DPYD: variants seen among roughly 807,000 people sequenced by gnomAD.
DPYD encodes dihydropyrimidine dehydrogenase, also known as dihydropyrimidine dehydrogenase [NADP(+)].
Under a neutral mutation model 116.2 loss-of-function variants are expected in DPYD, and 109 were observed. The observed-to-expected ratio is 0.94, with a 90% CI of 0.80 to 1.10. The LOEUF (loss-of-function observed/expected upper bound fraction) is 1.10. Ranked by LOEUF, DPYD falls within the 50% of genes least tolerant of loss-of-function variation. DPYD has a pLI of 0.00. For synonymous variants in DPYD, 440 were observed against 432.0 expected, an observed-to-expected ratio of 1.02 and a Z score of -0.23; for missense variants, 1,302 against 1,254.5, an observed-to-expected ratio of 1.04 and a Z score of -0.57.
intron 8 of DPYD, among the ~76,000 whole-genome samples, chr1:97,618,061 T>C (rs954589828): frequency 3.9e-5 from 6 of 152,134 alleles, no homozygotes; most frequent in Admixed American, 3.3e-4. Context: ...ATAATTTTTA[T>C]ATGGTACAGT....
intron 19 of DPYD, among the ~76,000 whole-genome samples, chr1:97,201,596 G>A (rs1050209910): frequency 2.0e-5 from 3 of 152,228 alleles, no homozygotes; most frequent in African/African-American, 7.2e-5. Context: ...AGCCCCTGGA[G>A]ATACATAGTA....
intron 16 of DPYD, among the ~76,000 whole-genome samples, chr1:97,352,123 T>G (rs552149958): frequency 1.7e-3 from 253 of 152,240 alleles, no homozygotes; most frequent in Non-Finnish European, 2.6e-3. Flanking sequence ...AAAAAAGTCC[T>G]TCTCAAATAA....
intron 18 of DPYD, among the ~76,000 whole-genome samples, chr1:97,273,112 T>C (rs920396027): frequency 6.6e-6 from 1 of 152,162 alleles, no homozygotes; most frequent in Non-Finnish European, 1.5e-5. Context: ...AAATGCCAAA[T>C]AGTTATTTCA....
rs542436227 is a variant in DPYD, at chr1:97,191,051, CACACACACAT to C, written c.2622+2008_2622+2017del. On this transcript the variant is annotated intron_variant, in intron 20 of 22. Coordinates refer to ENST00000370192, the MANE Select transcript of DPYD (RefSeq NM_000110.4). ...ACAATGTGAGTTATATGCAAAGACA[CACACACACAT>C]ACACACACATACACACGTACATACA... 3.0e-3 allele frequency among the ~76,000 whole-genome samples: 463 copies of C among 152,018 alleles called. 1 individual carries two copies. The highest frequency in any genetic ancestry group is 5.2e-3 in the Non-Finnish European group (356 of 67,950).
chr1:97,305,376 C>G lies in DPYD; in HGVS notation c.2182G>C (p.Gly728Arg). 2 of 1,612,224 alleles carry G rather than the reference C, an allele frequency of 1.2e-6. No homozygotes were observed. The highest frequency in any genetic ancestry group is 1.7e-6 in the Non-Finnish European group (2 of 1,178,790). ...VSIARAAKEG[G>R]ANGVTATNTV... ...TTGGTGGCTGTAACGCCATTGGCAC[C>G]ACCTATGCAAGACACATCAACATTT... Residue 728 changes from glycine (G) to arginine (R), a missense_variant and splice_region_variant, in exon 18 of 23, where the codon GGT becomes CGT. Coordinates refer to ENST00000370192, the MANE Select transcript of DPYD (RefSeq NM_000110.4).
At chr1:97,399,679 G>C (rs1166850424) in intron 14 of DPYD, among the ~76,000 whole-genome samples, 1 of 151,958 alleles carries the variant, frequency 6.6e-6, no homozygotes. Flanking sequence ...TTGTAAGTTG[G>C]ATTCCTAGGT....
chr1:97,757,961 T>C (rs938988341), intron 3 of DPYD, among the ~76,000 whole-genome samples: 4 of 152,198 alleles, frequency 2.6e-5, no homozygotes, highest in African/African-American at 9.6e-5. Flanking sequence ...TCTGCACTAC[T>C]GAATTCTCAT....
At chr1:97,124,284 T>C (rs1162251739) in intron 20 of DPYD, among the ~76,000 whole-genome samples, 1 of 152,154 alleles carries the variant, frequency 6.6e-6, no homozygotes, top group Non-Finnish European at 1.5e-5. Flanking sequence ...AGACAGATTT[T>C]AGTCCCTAAT....
chr1:97,875,407 G>C (rs1671860174), intron 2 of DPYD, among the ~76,000 whole-genome samples: 1 of 151,964 alleles, frequency 6.6e-6, no homozygotes, highest in African/African-American at 2.4e-5. Context: ...ACTATGGAGT[G>C]AATGTAGCTA....
chr1:97,396,590 A>T (rs1460677698), intron 14 of DPYD, among the ~76,000 whole-genome samples: 1 of 152,052 alleles, frequency 6.6e-6, no homozygotes, highest in Non-Finnish European at 1.5e-5. Flanking sequence ...CAATGGGATG[A>T]TTCACAGCTT....
chr1:97,276,046 AG>A (rs1483288011), intron 18 of DPYD, among the ~76,000 whole-genome samples: 1 of 152,124 alleles, frequency 6.6e-6, no homozygotes, highest in African/African-American at 2.4e-5. Context: ...TATGGCATGA[AG>A]GTTCAATTTA....
At chr1:97,164,266 G>A (rs1033039497) in intron 20 of DPYD, among the ~76,000 whole-genome samples, 5 of 152,090 alleles carry the variant, frequency 3.3e-5, no homozygotes, top group African/African-American at 1.2e-4. Flanking sequence ...AGGTATTGAA[G>A]GAACACAGCT....
chr1:97,710,827 G>T (rs545911563), intron 5 of DPYD, among the ~76,000 whole-genome samples: 43 of 151,656 alleles, frequency 2.8e-4, no homozygotes, highest in Admixed American at 8.5e-4. Flanking sequence ...TCTGGAACAG[G>T]GTTAATTTTC....
At chr1:97,765,846 T>C (rs1286128013) in intron 3 of DPYD, among the ~76,000 whole-genome samples, 2 of 152,186 alleles carry the variant, frequency 1.3e-5, no homozygotes, top group African/African-American at 4.8e-5. Context: ...TGATAATTGA[T>C]GCAAAAGCTA....
At chr1:97,430,727 G>C (rs897069157) in intron 14 of DPYD, among the ~76,000 whole-genome samples, 3 of 152,306 alleles carry the variant, frequency 2.0e-5, no homozygotes, top group African/African-American at 7.2e-5. Flanking sequence ...TTAGTAAGCA[G>C]AGTCTTATAT....
In DPYD at chr1:97,921,008, G is replaced by A. The variant is rs569146754; in HGVS notation, c.-86C>T. ...GCCAGAGAGCCAAGTGACAGCAGCC[G>A]GAGCGCGAGTCGAAAACAGGCAGAC... On this transcript the variant is annotated 5_prime_UTR_variant, in exon 1 of 23. Coordinates refer to ENST00000370192, the MANE Select transcript of DPYD (RefSeq NM_000110.4). 1.5e-5 allele frequency: 23 copies of A among 1,520,552 alleles called. No individual in the cohort carries two copies. Among genetic ancestry groups the A allele is most frequent in the Middle Eastern group, 1.7e-4 (1 of 5,914 alleles). 94.2% of individuals were successfully genotyped at this position (1,520,552 alleles called of 1,614,324 possible). A position where few individuals can be genotyped will look rare whatever the true frequency, so the allele number is the denominator to read the frequency against.
chr1:97,206,716 G>A (rs111554392), intron 19 of DPYD, among the ~76,000 whole-genome samples: 17,626 of 125,152 alleles, frequency 0.14, 2,018 homozygotes, highest in Middle Eastern at 0.24. Context: ...GCATATGTGC[G>A]TATACATGTT....
At chr1:97,637,058 G>A (rs1657609380) in intron 8 of DPYD, among the ~76,000 whole-genome samples, 2 of 152,106 alleles carry the variant, frequency 1.3e-5, no homozygotes, top group Non-Finnish European at 2.9e-5. Context: ...TTCCCAATTT[G>A]ACTAAAAGCA....
intron 13 of DPYD, among the ~76,000 whole-genome samples, chr1:97,452,174 C>A (rs1215746315): frequency 6.6e-6 from 1 of 152,098 alleles, no homozygotes; most frequent in Non-Finnish European, 1.5e-5. Flanking sequence ...AGAAGTTTTT[C>A]TTTTCTCTCC....
Sources: gnomAD v4.1 joint callset for allele counts (sites outside exome capture counted in the v4.1 genomes callset) on GRCh38, gnomAD v4.1.1 for gene constraint, MANE v1.5 for transcripts, NCBI Gene and HGNC (gene_info 2026-07-23, HGNC 2026-07-21) for gene names.